The following IFT80 variants were observed in gnomAD, a reference collection of about 807,000 sequenced individuals.
IFT80 encodes intraflagellar transport 80, also known as intraflagellar transport protein 80 homolog.
A neutral mutation model predicts 107.9 loss-of-function variants in IFT80; 79 were observed. The ratio of observed to expected loss-of-function variants is 0.73; its 90% CI spans 0.61 to 0.88. The LOEUF (loss-of-function observed/expected upper bound fraction) is 0.88. Ranked by LOEUF, IFT80 falls within the 40% of genes least tolerant of loss-of-function variation. The probability of loss-of-function intolerance (pLI) is 0.00; values close to 1 mark genes in which losing one functional copy is unlikely to be tolerated. For missense variants in IFT80, 797 were observed against 914.2 expected, an observed-to-expected ratio of 0.87 and a Z score of 1.65; for synonymous variants, 299 against 300.9, an observed-to-expected ratio of 0.99 and a Z score of 0.07.
At chr3:160,278,806 G>A (rs992045155) in intron 16 of IFT80, among the ~76,000 whole-genome samples, 1 of 151,970 alleles carries the variant, frequency 6.6e-6, no homozygotes, top group Non-Finnish European at 1.5e-5. Context: ...TTGGAAAAAG[G>A]CTGATCGAAA....
intron 12 of IFT80, among the ~76,000 whole-genome samples, chr3:160,291,082 T>C (rs1408127252): frequency 6.6e-6 from 1 of 152,222 alleles, no homozygotes; most frequent in African/African-American, 2.4e-5. Context: ...TGAACTAGTA[T>C]GGATGAATTC....
chr3:160,323,259 A>G (rs1718406325), intron 8 of IFT80, among the ~76,000 whole-genome samples: 1 of 150,006 alleles, frequency 6.7e-6, no homozygotes, highest in Non-Finnish European at 1.5e-5. Flanking sequence ...ACATATGGCT[A>G]GCCAGTTTTC....
intron 18 of IFT80, among the ~76,000 whole-genome samples, chr3:160,274,064 G>C (rs1714040558): frequency 6.6e-6 from 1 of 152,132 alleles, no homozygotes; most frequent in Non-Finnish European, 1.5e-5. Context: ...GGTGAAGGGG[G>C]GCATGCGGGG....
intron 8 of IFT80, among the ~76,000 whole-genome samples, chr3:160,329,627 C>T (rs1362958353): frequency 1.3e-5 from 2 of 152,168 alleles, no homozygotes; most frequent in African/African-American, 4.8e-5. Context: ...AGAATCTGAA[C>T]AGAAAGGCTT....
intron 3 of IFT80, among the ~76,000 whole-genome samples, chr3:160,379,580 TA>T (rs1040274108): frequency 4.9e-4 from 74 of 152,224 alleles, no homozygotes; most frequent in African/African-American, 1.7e-3. Flanking sequence ...AGGGTTTGTG[TA>T]AAAAGAAACA....
In IFT80 at chr3:160,319,935, G is replaced by A. The variant is rs1365305735; in HGVS notation, c.782C>T (p.Ser261Leu). The A allele has an allele frequency of 2.5e-6, 4 of 1,609,696 alleles. No homozygotes were observed. In the Admixed American group the frequency reaches 6.7e-5, roughly 27 times the overall value. The change falls in exon 9 of 20, where the codon TCA becomes TTA. Residue 261 changes from serine (S) to leucine (L), a missense_variant. Coordinates refer to ENST00000326448, the MANE Select transcript of IFT80 (RefSeq NM_020800.3). ...AGTGTTGGGTTTTTCTAATGCATAT[G>A]ACCACTGGGGGAGAAAAAACAAGAA... is the stretch of plus-strand genomic sequence containing the variant. ...TLRLCDKTGW[S>L]YALEKPNTGS...
At chr3:160,305,734 T>A (rs1716786802) in intron 10 of IFT80, among the ~76,000 whole-genome samples, 1 of 152,154 alleles carries the variant, frequency 6.6e-6, no homozygotes, top group Admixed American at 6.5e-5. Context: ...TGGAACTTCT[T>A]TTCATATAAA....
chr3:160,307,884 T>G (rs1559930888), intron 9 of IFT80, 103 bp from the exon 10 acceptor site: 1 of 694,840 alleles, frequency 1.4e-6, no homozygotes, highest in African/African-American at 1.8e-5. Flanking sequence ...AATGCACTAC[T>G]GATTACCTAA....
chr3:160,282,338 T>C, intron 14 of IFT80, 140 bp downstream of exon 14: 1 of 642,956 alleles, frequency 1.6e-6, no homozygotes, highest in Non-Finnish European at 2.6e-6. Flanking sequence ...ACTCCTACTT[T>C]TTTAAAAAAA....
At chr3:160,340,661 TCTTA>T (rs1280382533) in intron 8 of IFT80, among the ~76,000 whole-genome samples, 2 of 152,188 alleles carry the variant, frequency 1.3e-5, no homozygotes, top group African/African-American at 4.8e-5. Context: ...GTGCAGCTGC[TCTTA>T]CTTTGAATCT....
chr3:160,281,916 C>T (rs1714719867), intron 14 of IFT80, among the ~76,000 whole-genome samples: 1 of 152,194 alleles, frequency 6.6e-6, no homozygotes, highest in Non-Finnish European at 1.5e-5. Context: ...AAACAGTGCA[C>T]TTGATCTCTC....
At chr3:160,341,902 T>C (rs1576836795) in intron 8 of IFT80, among the ~76,000 whole-genome samples, 1 of 152,182 alleles carries the variant, frequency 6.6e-6, no homozygotes, top group East Asian at 1.9e-4. Flanking sequence ...TATAACCAAT[T>C]CTCCTTTTTA....
At chr3:160,397,125 C>T (rs1713838639) in intron 1 of IFT80, among the ~76,000 whole-genome samples, 1 of 152,208 alleles carries the variant, frequency 6.6e-6, no homozygotes, top group South Asian at 2.1e-4. Context: ...AGGGTTTATA[C>T]TCTGAACCAT....
chr3:160,287,159 G>A (rs1715155222), intron 12 of IFT80, among the ~76,000 whole-genome samples: 1 of 152,212 alleles, frequency 6.6e-6, no homozygotes, highest in African/African-American at 2.4e-5. Context: ...CTGGGAAGGT[G>A]ATGTGTCCTG....
In IFT80 at chr3:160,320,605, T is replaced by C. The variant is rs536670621; in HGVS notation, c.778-666A>G. 1.3e-3 allele frequency among the ~76,000 whole-genome samples: 200 copies of C among 152,042 alleles called. 1 individual carries two copies. Among genetic ancestry groups the C allele is most frequent in the African/African-American group, 4.6e-3 (191 of 41,548 alleles). On this transcript the variant is annotated intron_variant, in intron 8 of 19. Transcript: ENST00000326448. ...AAACTTTTTAATACATGGTATTATA[T>C]GCACTTGTTTCATTTTTCAGATGCA...
intron 19 of IFT80, among the ~76,000 whole-genome samples, 159 bp from the exon 20 acceptor site, chr3:160,258,794 TAAG>T (rs1374572157): frequency 1.3e-5 from 2 of 152,070 alleles, no homozygotes; most frequent in Non-Finnish European, 2.9e-5. Flanking sequence ...GCATCAAAGT[TAAG>T]AAGAAGAAAT....
chr3:160,302,998 C>A (rs916425876), intron 11 of IFT80, among the ~76,000 whole-genome samples: 5 of 152,164 alleles, frequency 3.3e-5, no homozygotes, highest in African/African-American at 1.2e-4. Flanking sequence ...CAGGCAGCTA[C>A]TTTCCTTCCT....
chr3:160,338,706 G>A (rs1161195273), intron 8 of IFT80, among the ~76,000 whole-genome samples: 1 of 151,800 alleles, frequency 6.6e-6, no homozygotes, highest in African/African-American at 2.4e-5. Context: ...ATGGTGACAT[G>A]GAGAAGAACA....
intron 8 of IFT80, chr3:160,320,149 G>A: frequency 2.0e-6 from 1 of 510,424 alleles, no homozygotes; most frequent in Middle Eastern, 5.2e-4. Context: ...CTAAAACAGT[G>A]TATGAAATAT....
Sources: allele counts gnomAD v4.1 joint callset (sites outside exome capture counted in the v4.1 genomes callset), GRCh38; gene constraint gnomAD v4.1.1; transcripts MANE v1.5; gene names NCBI Gene and HGNC (gene_info 2026-07-23, HGNC 2026-07-21).